NOS1: variants seen among roughly 807,000 people sequenced by gnomAD.
NOS1 encodes nitric oxide synthase 1.
In NOS1, 51 loss-of-function variants were observed where a neutral mutation model predicts 164.5. The observed-to-expected ratio is 0.31, with a 90% CI of 0.25 to 0.39. The LOEUF (loss-of-function observed/expected upper bound fraction) is 0.39, where lower values mean the gene tolerates loss of function less well. Ranked by LOEUF, NOS1 falls within the 10% of genes least tolerant of loss-of-function variation. The pLI is 1.00. For missense variants in NOS1, 1,362 were observed against 1,885.6 expected (o/e 0.72, Z 5.14); for synonymous variants, 719 against 745.8 (o/e 0.96, Z 0.59).
At chr12:117,353,024 C>A (rs899602040) in intron 1 of NOS1, among the ~76,000 whole-genome samples, 13 of 152,036 alleles carry the variant, frequency 8.6e-5, no homozygotes, top group African/African-American at 3.1e-4. Flanking sequence ...ATCCATCCAT[C>A]CATCCATCTA....
In NOS1 at chr12:117,225,358, ATTC is replaced by A. The variant is rs57880777; in HGVS notation, c.3705-224_3705-222del. 1.3e-3 allele frequency among the ~76,000 whole-genome samples: 202 copies of A among 152,206 alleles called. 5 individuals are homozygous for A. The highest frequency in any genetic ancestry group is 0.012 in the Admixed American group (183 of 15,288). ...GTTCTGGCTATTTCTCCATTCCCCAATTCTTCTCACTGCTGAGCTCAGCAAATT... is the reference window on the plus strand; with the variant it reads ...GTTCTGGCTATTTCTCCATTCCCCAATTCTCACTGCTGAGCTCAGCAAATT... On this transcript the variant is annotated intron_variant, in intron 24 of 28. Transcript: ENST00000317775.
In NOS1 at chr12:117,260,454, C is replaced by A. The variant is rs757983913; in HGVS notation, c.2367+11G>T. 2 of 1,612,566 alleles carry A rather than the reference C, an allele frequency of 1.2e-6. No individual in the cohort carries two copies. The highest frequency in any genetic ancestry group is 2.7e-5 in the African/African-American group (2 of 74,908). On this transcript the variant is annotated intron_variant, in intron 14 of 28. Coordinates refer to ENST00000317775, the MANE Select transcript of NOS1 (RefSeq NM_000620.5). ...GAGAAGCTGGTGGAGCTAGGGCTAC[C>A]CCCCACCTACCTTGGCATCAAAGGC...
At position 117,288,229 on chromosome 12, in the gene NOS1, C is replaced by T; in HGVS notation, c.982-10G>A. 2.5e-6 allele frequency: 4 copies of T among 1,609,222 alleles called. No individual in the cohort carries two copies. Among genetic ancestry groups the T allele is most frequent in the Non-Finnish European group, 2.5e-6 (3 of 1,178,280 alleles). The stretch of plus-strand genomic sequence containing the variant: ...CAGTGCATCCCGTTTCCTGGAAGAT[C>T]AAGAGATTTGGGGTATTGCTTGGTT... On this transcript the variant is annotated splice_polypyrimidine_tract_variant and intron_variant, in intron 4 of 28. Transcript: ENST00000317775.
chr12:117,234,123 T>C lies in NOS1; in HGVS notation c.3235+442A>G, dbSNP rs1869502457. The stretch of plus-strand genomic sequence containing the variant: ...ACTTGACCTAATGAGGTAAAAAACG[T>C]GGGCTCAATCCCTAGTTGGCCATCG... On this transcript the variant is annotated intron_variant, in intron 21 of 28. Coordinates refer to ENST00000317775, the MANE Select transcript of NOS1 (RefSeq NM_000620.5). This position sits in a 1 kb window ranked among gnomAD's most constrained non-coding sequence, Gnocchi z 4.3. Among the ~76,000 whole-genome samples, 1 of 152,148 alleles carries C rather than the reference T, an allele frequency of 6.6e-6. No homozygotes were observed. Among genetic ancestry groups the C allele is most frequent in the South Asian group, 2.1e-4 (1 of 4,824 alleles).
chr12:117,215,305 C>A lies in NOS1; in HGVS notation c.*4G>T. 1 of 1,556,806 alleles carries A rather than the reference C, an allele frequency of 6.4e-7. No homozygotes were observed. On this transcript the variant is annotated 3_prime_UTR_variant, in exon 29 of 29. Transcript: ENST00000317775. ...CTTGCAGCCGGCTGGGCAAGAGGGT[C>A]CAGTTAGGAGCTGAAAACCCTGTGG...
At position 117,284,103 on chromosome 12, in the gene NOS1, T is replaced by G. The variant is rs1873908470; in HGVS notation, c.1382+1138A>C. On this transcript the variant is annotated intron_variant, in intron 7 of 28. Transcript: ENST00000317775. ...AAATTGGCAAACACCATTTCCTTCT[T>G]ACGGAAGAGAAGAGACACATCTAAG... Among the ~76,000 whole-genome samples, 3 of 152,122 alleles carry G rather than the reference T, an allele frequency of 2.0e-5. No homozygotes were observed. In the South Asian group the frequency reaches 6.2e-4, roughly 31 times the overall value.
rs1956524448 is a variant in NOS1, at chr12:117,211,329, T to C, written c.*3980A>G. 2.0e-6 allele frequency: 2 copies of C among 985,424 alleles called. No homozygotes were observed. Among genetic ancestry groups the C allele is most frequent in the South Asian group, 9.4e-5 (2 of 21,280 alleles). The allele number at this position is 985,424 out of a possible 1,614,324, so 61.0% of individuals were successfully genotyped here. The stretch of plus-strand genomic sequence containing the variant: ...TGGGGTGCCAGGTACGCTGATTCAG[T>C]TCCTGGAGTCTCTTTATCACTACAT... On this transcript the variant is annotated 3_prime_UTR_variant, in exon 29 of 29. Transcript: ENST00000317775.
intron 1 of NOS1, among the ~76,000 whole-genome samples, chr12:117,344,000 T>C (rs1170241521): frequency 6.6e-6 from 1 of 152,160 alleles, no homozygotes; most frequent in Non-Finnish European, 1.5e-5. Flanking sequence ...CAGAAATAAT[T>C]CCACATATGT....
At chr12:117,221,516 T>C (rs1956705204) in intron 26 of NOS1, among the ~76,000 whole-genome samples, 1 of 152,062 alleles carries the variant, frequency 6.6e-6, no homozygotes, top group Admixed American at 6.6e-5. Context: ...ACTCCTGACC[T>C]CAAATGATCT....
At position 117,280,824 on chromosome 12, in the gene NOS1, G is replaced by A. The variant is rs201316068; in HGVS notation, c.1425C>T (p.His475=). The A allele has an allele frequency of 4.2e-4, 673 of 1,614,060 alleles. 1 individual carries two copies. Among genetic ancestry groups the A allele is most frequent in the South Asian group, 2.4e-3 (221 of 91,088 alleles). ...GCTGGGAGTTCCAGACTCGGAAGTC[G>A]TGCTTGCCGTCTGTCCTCTGGGGGA... ...TIFPQRTDGK[H]DFRVWNSQLI... is the part of the protein sequence containing the mutation. Residue 475 remains histidine (H), a synonymous_variant, in exon 8 of 29, where the codon CAC becomes CAT. Coordinates refer to ENST00000317775, the MANE Select transcript of NOS1 (RefSeq NM_000620.5).
chr12:117,332,412 C>A (rs1260180874), intron 1 of NOS1, among the ~76,000 whole-genome samples: 1 of 152,100 alleles, frequency 6.6e-6, no homozygotes, highest in Non-Finnish European at 1.5e-5. Context: ...AGCTTTTAAA[C>A]TTATACTCTA....
chr12:117,214,471 T>C lies in NOS1; in HGVS notation c.*838A>G. ...CAAAGTCAAGTGATTCTAGCTGGTA[T>C]GGGTGGGTTTGGGGAGGGGATTTGC... is the stretch of plus-strand genomic sequence containing the variant. On this transcript the variant is annotated 3_prime_UTR_variant, in exon 29 of 29. Coordinates refer to ENST00000317775, the MANE Select transcript of NOS1 (RefSeq NM_000620.5). The C allele has an allele frequency of 5.1e-6, 5 of 982,670 alleles. No homozygotes were observed. Among genetic ancestry groups the C allele is most frequent in the Non-Finnish European group, 6.0e-6 (5 of 827,842 alleles). The allele number at this position is 982,670 out of a possible 1,614,324, so 60.9% of individuals were successfully genotyped here.
chr12:117,352,728 A>ATG (rs146489647), intron 1 of NOS1, among the ~76,000 whole-genome samples: 2,867 of 152,034 alleles, frequency 0.019, 37 homozygotes, highest in Admixed American at 0.029. Flanking sequence ...AGAGAGAGAG[A>ATG]TGTGTGTGTT....
rs776343969 is a variant in NOS1 at position 117,211,102 on chromosome 12, G to A, written c.*4207C>T. Reference sequence around the variant, plus strand: ...CTCCCAGGTAGCTGAGACTACAGGCGCATGCCACCATGCCCAGCTAATTTT... The same window carrying A: ...CTCCCAGGTAGCTGAGACTACAGGCACATGCCACCATGCCCAGCTAATTTT... On this transcript the variant is annotated 3_prime_UTR_variant, in exon 29 of 29. Coordinates refer to ENST00000317775, the MANE Select transcript of NOS1 (RefSeq NM_000620.5). 61 of 562,144 alleles carry A rather than the reference G, an allele frequency of 1.1e-4. No individual in the cohort carries two copies. The highest frequency in any genetic ancestry group is 2.4e-4 in the South Asian group (3 of 12,756). The allele number at this position is 562,144 out of a possible 1,614,324, so 34.8% of individuals were successfully genotyped here.
At chr12:117,262,811 G>A (rs1566046242) in intron 13 of NOS1, among the ~76,000 whole-genome samples, 1 of 152,082 alleles carries the variant, frequency 6.6e-6, no homozygotes, top group Non-Finnish European at 1.5e-5. Context: ...AATCAACTTA[G>A]TTAACCCCAT....
intron 28 of NOS1, among the ~76,000 whole-genome samples, chr12:117,216,652 A>T (rs914307642): frequency 1.3e-5 from 2 of 150,906 alleles, no homozygotes; most frequent in Non-Finnish European, 3.0e-5. Flanking sequence ...CTAATTTTTA[A>T]ATTATTTGTA....
At chr12:117,247,671 G>A in intron 17 of NOS1, 149 bp from the exon 18 acceptor site, 1 of 650,720 alleles carries the variant, frequency 1.5e-6, no homozygotes, top group East Asian at 3.1e-5. Context: ...GGGCCTTTAA[G>A]GGGTAATTAA....
chr12:117,345,758 G>GTTAA (rs1451454691), intron 1 of NOS1, among the ~76,000 whole-genome samples: 1 of 152,214 alleles, frequency 6.6e-6, no homozygotes, highest in Non-Finnish European at 1.5e-5. Flanking sequence ...ACTTTGGGAG[G>GTTAA]TTAAGGCAGG....
chr12:117,330,281 C>T lies in NOS1; in HGVS notation c.725+64G>A, dbSNP rs1875460837. 2 of 1,521,450 alleles carry T rather than the reference C, an allele frequency of 1.3e-6. No homozygotes were observed. Among genetic ancestry groups the T allele is most frequent in the Non-Finnish European group, 1.8e-6 (2 of 1,134,632 alleles). 94.2% of individuals were successfully genotyped at this position (1,521,450 alleles called of 1,614,324 possible). ...ATGAGGCTGAGTCTCAGTAGACGCA[C>T]ATGCACACACACAAGCATGCACACA... is the stretch of plus-strand genomic sequence containing the variant. On this transcript the variant is annotated intron_variant, in intron 2 of 28. Coordinates refer to ENST00000317775, the MANE Select transcript of NOS1 (RefSeq NM_000620.5). The surrounding 1 kb of genome is among the most constrained non-coding windows in gnomAD (Gnocchi z 4.6).
Sources: gnomAD v4.1 joint callset for allele counts (sites outside exome capture counted in the v4.1 genomes callset) on GRCh38, gnomAD v4.1.1 for gene constraint, Gnocchi (gnomAD v3.1) non-coding constraint, MANE v1.5 for transcripts, NCBI Gene and HGNC (gene_info 2026-07-23, HGNC 2026-07-21) for gene names.